ARNT2: variants seen among roughly 807,000 people sequenced by gnomAD.
ARNT2 encodes aryl hydrocarbon receptor nuclear translocator 2.
ARNT2 carries 36 observed loss-of-function variants against 91.7 expected under a neutral mutation model. The observed-to-expected ratio is 0.39, with a 90% CI of 0.30 to 0.52. The LOEUF (loss-of-function observed/expected upper bound fraction) is 0.52. ARNT2 is among the 20% of genes least tolerant of loss of function. The pLI is 0.72. For missense variants in ARNT2, 775 were observed against 939.3 expected, an observed-to-expected ratio of 0.83 and a Z score of 2.29; for synonymous variants, 365 against 347.1, an observed-to-expected ratio of 1.05 and a Z score of -0.57.
At chr15:80,477,927 A>G (rs1361232198) in intron 5 of ARNT2, among the ~76,000 whole-genome samples, 3 of 152,190 alleles carry the variant, frequency 2.0e-5, no homozygotes, top group Non-Finnish European at 4.4e-5. Context: ...TCAAAGATGT[A>G]AAAAAGGAGG....
chr15:80,430,092 G>A (rs1895987678), intron 1 of ARNT2, among the ~76,000 whole-genome samples: 1 of 152,152 alleles, frequency 6.6e-6, no homozygotes, highest in Admixed American at 6.5e-5. Context: ...GGCTTCCCTA[G>A]GTCACTCTAG....
intron 1 of ARNT2, among the ~76,000 whole-genome samples, chr15:80,429,360 A>G (rs1195050981): frequency 6.6e-6 from 1 of 152,182 alleles, no homozygotes; most frequent in Non-Finnish European, 1.5e-5. Context: ...TCGCACCTTC[A>G]CAGTGGAACC....
In ARNT2 at chr15:80,508,169, C is replaced by T. The variant is rs755087757; in HGVS notation, c.636C>T (p.Asp212=). The stretch of plus-strand genomic sequence containing the variant: ...TCTCTCTCTTAGGCCGGATCTTGGA[C>T]CTGAAGACTGGGACGGTCAAGAAAG... ...SENSMTGRIL[D]LKTGTVKKEG... is the part of the protein sequence containing the mutation. The change falls in exon 6 of 19, where the codon GAC becomes GAT. Residue 212 remains aspartate (D), a synonymous_variant. Coordinates refer to ENST00000303329, the MANE Select transcript of ARNT2 (RefSeq NM_014862.4). 3 of 1,614,086 alleles carry T rather than the reference C, an allele frequency of 1.9e-6. No individual in the cohort carries two copies. The highest frequency in any genetic ancestry group is 1.7e-6 in the Non-Finnish European group (2 of 1,179,992).
chr15:80,581,014 G>T (rs1457309275), intron 16 of ARNT2: 2 of 589,164 alleles, frequency 3.4e-6, no homozygotes, highest in East Asian at 2.8e-5. Context: ...GATCCTCGTA[G>T]CCCTGGGGAG....
intron 5 of ARNT2, among the ~76,000 whole-genome samples, chr15:80,492,048 C>CT (rs1034065093): frequency 4.6e-5 from 7 of 150,828 alleles, no homozygotes; most frequent in Admixed American, 4.0e-4. Flanking sequence ...TTCTTTCTTT[C>CT]TTTTTTTTTC....
At chr15:80,549,524 A>G (rs1322903704) in intron 8 of ARNT2, among the ~76,000 whole-genome samples, 1 of 152,228 alleles carries the variant, frequency 6.6e-6, no homozygotes, top group Non-Finnish European at 1.5e-5. Flanking sequence ...ATCCAAATAG[A>G]AAAATGGGAA....
intron 10 of ARNT2, among the ~76,000 whole-genome samples, chr15:80,553,814 T>G (rs780142352): frequency 1.2e-4 from 18 of 152,326 alleles, no homozygotes; most frequent in Admixed American, 4.6e-4. Flanking sequence ...GATGTGTATT[T>G]TAGGACTAGA....
At chr15:80,454,243 G>A (rs1410872435) in intron 2 of ARNT2, among the ~76,000 whole-genome samples, 1 of 152,142 alleles carries the variant, frequency 6.6e-6, no homozygotes, top group African/African-American at 2.4e-5. Flanking sequence ...GTGACAGGGT[G>A]GTGAGGGGTG....
intron 8 of ARNT2, among the ~76,000 whole-genome samples, chr15:80,541,306 A>G (rs777924775): frequency 1.8e-4 from 28 of 152,180 alleles, no homozygotes; most frequent in Non-Finnish European, 1.5e-4. Context: ...GTGTCTGTTC[A>G]TATATTTTAC....
At position 80,514,928 on chromosome 15, in the gene ARNT2, T is replaced by A. The variant is rs144727832; in HGVS notation, c.877+523T>A. Among the ~76,000 whole-genome samples the A allele has an allele frequency of 7.2e-5, 11 of 152,104 alleles. No homozygotes were observed. In the East Asian group the frequency reaches 1.4e-3, roughly 19 times the overall value. On this transcript the variant is annotated intron_variant, in intron 8 of 18. Transcript: ENST00000303329. Reference sequence around the variant, plus strand: ...AACAAAAAACAAAAAAACCCACAACTAATTGTACAAAGGTGATTGGAGTCT... The same window carrying A: ...AACAAAAAACAAAAAAACCCACAACAAATTGTACAAAGGTGATTGGAGTCT...
intron 7 of ARNT2, 99 bp from the exon 8 acceptor site, chr15:80,514,221 C>A: frequency 7.9e-7 from 1 of 1,271,214 alleles, no homozygotes; most frequent in Non-Finnish European, 1.1e-6. Context: ...ACCACAAAGG[C>A]AGACAAGGGA....
At chr15:80,477,840 G>C (rs8023708) in intron 5 of ARNT2, among the ~76,000 whole-genome samples, 9,936 of 152,228 alleles carry the variant, frequency 0.065, 767 homozygotes, top group African/African-American at 0.18. Flanking sequence ...TATGATAAGA[G>C]TGAGTTTGAT....
At chr15:80,503,994 C>A (rs2141420655) in intron 5 of ARNT2, among the ~76,000 whole-genome samples, 1 of 152,316 alleles carries the variant, frequency 6.6e-6, no homozygotes, top group Non-Finnish European at 1.5e-5. Context: ...ATAGTTCTAG[C>A]ACAGCGTGAC....
intron 2 of ARNT2, 64 bp from the exon 3 acceptor site, chr15:80,457,865 C>A: frequency 6.4e-7 from 1 of 1,566,080 alleles, no homozygotes; most frequent in Non-Finnish European, 8.8e-7. Flanking sequence ...GTTCCAGCAG[C>A]TCCTGTTACC....
intron 11 of ARNT2, 40 bp from the exon 12 acceptor site, chr15:80,563,048 C>G: frequency 2.5e-6 from 4 of 1,612,846 alleles, no homozygotes; most frequent in South Asian, 2.2e-5. Flanking sequence ...TTGGCACCAT[C>G]CTTCCTCCTG....
intron 1 of ARNT2, among the ~76,000 whole-genome samples, chr15:80,429,184 T>A (rs2141567398): frequency 6.6e-6 from 1 of 152,316 alleles, no homozygotes; most frequent in African/African-American, 2.4e-5. Flanking sequence ...GAGTGTCTTT[T>A]GTGTATTAAT....
Position 80,555,150 on chromosome 15 carries a change from C to T in ARNT2, c.1164+11C>T, listed in dbSNP as rs779197870. The T allele has an allele frequency of 3.1e-6, 5 of 1,613,578 alleles. No homozygotes were observed. Among genetic ancestry groups the T allele is most frequent in the Non-Finnish European group, 4.2e-6 (5 of 1,179,506 alleles). On this transcript the variant is annotated intron_variant, in intron 11 of 18. Transcript: ENST00000303329. ...GAGAGCTTCCAGCAGGTACATACTGCCAGTACCCACTTAAAGCTGATGCAT... is the reference window on the plus strand; with the variant it reads ...GAGAGCTTCCAGCAGGTACATACTGTCAGTACCCACTTAAAGCTGATGCAT...
intron 11 of ARNT2, among the ~76,000 whole-genome samples, chr15:80,561,146 C>T (rs758161328): frequency 4.6e-5 from 7 of 152,162 alleles, no homozygotes; most frequent in South Asian, 2.1e-4. Context: ...CTGGCCAAGA[C>T]GACAGACACC....
Position 80,551,248 on chromosome 15 carries a change from T to C in ARNT2, c.927T>C (p.Tyr309=). Residue 309 remains tyrosine (Y), a synonymous_variant, in exon 9 of 19, where the codon TAT becomes TAC. Coordinates refer to ENST00000303329, the MANE Select transcript of ARNT2 (RefSeq NM_014862.4). ...EDADVGQGSK[Y]CLVAIGRLQV... is the part of the protein sequence containing the mutation. The stretch of plus-strand genomic sequence containing the variant: ...CTGATGTGGGACAAGGCAGTAAATA[T>C]TGCCTCGTGGCAATTGGGAGACTCC... The C allele has an allele frequency of 6.2e-7, 1 of 1,613,982 alleles. No homozygotes were observed. Among genetic ancestry groups the C allele is most frequent in the Non-Finnish European group, 8.5e-7 (1 of 1,179,850 alleles).
Sources: allele counts gnomAD v4.1 joint callset (sites outside exome capture counted in the v4.1 genomes callset), GRCh38; gene constraint gnomAD v4.1.1; transcripts MANE v1.5; gene names NCBI Gene and HGNC (gene_info 2026-07-23, HGNC 2026-07-21).